Variants in CSMD1 observed in about 807,000 individuals in gnomAD.
CSMD1 encodes CUB and Sushi multiple domains 1.
In CSMD1, 213 loss-of-function variants were observed where a neutral mutation model predicts 417.5. That is an observed-to-expected ratio of 0.51 (90% CI 0.46 to 0.57). The LOEUF is 0.57. Ranked by LOEUF, CSMD1 falls within the 20% of genes least tolerant of loss-of-function variation. The pLI is 0.00. For missense variants in CSMD1, 6,923 were observed against 4,529.7 expected (o/e 1.53, Z -15.17); for synonymous variants, 2,862 against 1,736.8 (o/e 1.65, Z -16.11).
At chr8:3,560,678 G>T (rs572386664) in intron 10 of CSMD1, among the ~76,000 whole-genome samples, 24 of 152,262 alleles carry the variant, frequency 1.6e-4, no homozygotes, top group African/African-American at 5.5e-4. Context: ...TGTCTTCATG[G>T]AAACCATGAA....
At chr8:4,959,781 T>C (rs1809358237) in intron 1 of CSMD1, among the ~76,000 whole-genome samples, 2 of 152,212 alleles carry the variant, frequency 1.3e-5, no homozygotes, top group East Asian at 1.9e-4. Context: ...GTTCTGACTG[T>C]TGCTTATTTC....
chr8:3,522,879 A>G (rs1797565398), intron 10 of CSMD1, among the ~76,000 whole-genome samples: 1 of 149,822 alleles, frequency 6.7e-6, no homozygotes, highest in African/African-American at 2.4e-5. Flanking sequence ...ATTATATTAA[A>G]TATTACCTTT....
intron 4 of CSMD1, among the ~76,000 whole-genome samples, chr8:4,031,371 G>C (rs559809785): frequency 6.6e-6 from 1 of 152,314 alleles, no homozygotes; most frequent in South Asian, 2.1e-4. Flanking sequence ...CGTCTTACAT[G>C]CATGGCAGCA....
chr8:3,899,626 G>A (rs949903352), intron 5 of CSMD1, among the ~76,000 whole-genome samples: 2 of 152,170 alleles, frequency 1.3e-5, no homozygotes, highest in African/African-American at 2.4e-5. Context: ...TGTAGTGAGA[G>A]GAAAAGGTTT....
intron 3 of CSMD1, among the ~76,000 whole-genome samples, chr8:4,183,336 T>C (rs1798483164): frequency 6.6e-6 from 1 of 152,234 alleles, no homozygotes; most frequent in South Asian, 2.1e-4. Flanking sequence ...TATTCATGTC[T>C]GATGATTACC....
intron 5 of CSMD1, among the ~76,000 whole-genome samples, chr8:3,824,160 A>G (rs935156264): frequency 2.0e-5 from 3 of 152,086 alleles, no homozygotes; most frequent in Admixed American, 6.5e-5. Context: ...AAACATTCCA[A>G]TGGAAATATC....
intron 3 of CSMD1, among the ~76,000 whole-genome samples, chr8:4,203,895 G>A (rs1310243858): frequency 6.6e-6 from 1 of 152,124 alleles, no homozygotes; most frequent in Non-Finnish European, 1.5e-5. Flanking sequence ...GAGCCAAGGA[G>A]TTTGAGGCCA....
At chr8:3,398,703 T>G (rs9969437) in intron 16 of CSMD1, among the ~76,000 whole-genome samples, 79,671 of 151,790 alleles carry the variant, frequency 0.52, 21,158 homozygotes, top group Middle Eastern at 0.61. Flanking sequence ...TGGTTCATGT[T>G]GCTCATGACA....
rs191004511 is a variant in CSMD1, at chr8:4,448,712, A to G, written c.303-28647T>C. Among the ~76,000 whole-genome samples, 259 of 152,308 alleles carry G rather than the reference A, an allele frequency of 1.7e-3. 1 individual carries two copies. Among genetic ancestry groups the G allele is most frequent in the African/African-American group, 5.8e-3 (241 of 41,588 alleles). ...TCATATATCTTTTTTGGCATTGCCC[A>G]TTTCATCTTAATTTCACTTTTGAAT... On this transcript the variant is annotated intron_variant, in intron 2 of 69. Transcript: ENST00000635120.
At chr8:4,513,878 G>A (rs553732595) in intron 2 of CSMD1, among the ~76,000 whole-genome samples, 1 of 152,066 alleles carries the variant, frequency 6.6e-6, no homozygotes, top group Non-Finnish European at 1.5e-5. Flanking sequence ...TCTGATTTTT[G>A]TGATCAGTGG....
At chr8:4,419,019 G>A (rs1797103123) in intron 3 of CSMD1, among the ~76,000 whole-genome samples, 1 of 152,132 alleles carries the variant, frequency 6.6e-6, no homozygotes, top group South Asian at 2.1e-4. Flanking sequence ...CCACCCATTT[G>A]CACAAACCAC....
At chr8:4,121,334 C>G (rs1802476674) in intron 3 of CSMD1, among the ~76,000 whole-genome samples, 1 of 152,062 alleles carries the variant, frequency 6.6e-6, no homozygotes, top group African/African-American at 2.4e-5. Flanking sequence ...AGGCTGGTCT[C>G]AAACTCCTGA....
Position 3,620,516 on chromosome 8 carries a change from T to C in CSMD1, c.1010-3719A>G, listed in dbSNP as rs565502502. On this transcript the variant is annotated intron_variant, in intron 7 of 69. Coordinates refer to ENST00000635120, the MANE Select transcript of CSMD1 (RefSeq NM_033225.6). ...ATAAAGATGTAATTTACAACAGCAA[T>C]AGCATAAAGTAAGGGAGCAGACTTG... 3.3e-5 allele frequency among the ~76,000 whole-genome samples: 5 copies of C among 152,256 alleles called. No individual in the cohort carries two copies. The South Asian group carries it at 1.0e-3, about 32-fold the overall frequency.
chr8:4,729,439 G>A (rs542815447), intron 1 of CSMD1, among the ~76,000 whole-genome samples: 1 of 152,300 alleles, frequency 6.6e-6, no homozygotes, highest in East Asian at 1.9e-4. Flanking sequence ...GAGATTTGCG[G>A]CAGAGGGGAG....
chr8:3,981,536 T>C (rs538822302), intron 5 of CSMD1, among the ~76,000 whole-genome samples: 46 of 143,808 alleles, frequency 3.2e-4, no homozygotes, highest in African/African-American at 1.1e-3. Context: ...GAACATACAA[T>C]TGTGTTTACC....
At chr8:4,756,462 G>C (rs1319434322) in intron 1 of CSMD1, among the ~76,000 whole-genome samples, 1 of 152,076 alleles carries the variant, frequency 6.6e-6, no homozygotes, top group Non-Finnish European at 1.5e-5. Flanking sequence ...AAGTTAATTT[G>C]GGGAGGAAAT....
At position 3,006,937 on chromosome 8, in the gene CSMD1, C is replaced by T. The variant is rs994287801; in HGVS notation, c.8030-6806G>A. 6.5e-4 allele frequency among the ~76,000 whole-genome samples: 92 copies of T among 141,320 alleles called. 5 individuals are homozygous for T. The highest frequency in any genetic ancestry group is 2.7e-3 in the African/African-American group (88 of 32,180). 92.7% of individuals were successfully genotyped at this position (141,320 alleles called of 152,430 possible). A position where few individuals can be genotyped will look rare whatever the true frequency, so the allele number is the denominator to read the frequency against. On this transcript the variant is annotated intron_variant, in intron 52 of 69. Transcript: ENST00000635120. ...AATTGACAAATGGGATCTAATTAAA[C>T]TAAAGAGCTTCTGCACAGCAAAAGA... is the stretch of plus-strand genomic sequence containing the variant.
chr8:4,229,175 G>T (rs534984049), intron 3 of CSMD1, among the ~76,000 whole-genome samples: 236 of 152,272 alleles, frequency 1.5e-3, no homozygotes, highest in African/African-American at 5.5e-3. Context: ...AAAACCCGGA[G>T]TCAACTTGTA....
At chr8:3,574,042 A>C (rs1800047318) in intron 10 of CSMD1, among the ~76,000 whole-genome samples, 3 of 152,312 alleles carry the variant, frequency 2.0e-5, no homozygotes, top group South Asian at 4.1e-4. Flanking sequence ...AAAATGTAGT[A>C]ACATAATTGC....
Sources: allele counts gnomAD v4.1 joint callset (sites outside exome capture counted in the v4.1 genomes callset), GRCh38; gene constraint gnomAD v4.1.1; transcripts MANE v1.5; gene names NCBI Gene and HGNC (gene_info 2026-07-23, HGNC 2026-07-21).